GRM8: variants seen among roughly 807,000 people sequenced by gnomAD.
GRM8 encodes metabotropic glutamate receptor 8.
GRM8 carries 47 observed loss-of-function variants against 87.2 expected under a neutral mutation model. That is an observed-to-expected ratio of 0.54 (90% CI 0.43 to 0.69). The LOEUF is 0.69. Among genes scored for constraint, GRM8 ranks in the 30% least tolerant of loss-of-function variants. The probability of loss-of-function intolerance (pLI) is 0.00; values close to 1 mark genes in which losing one functional copy is unlikely to be tolerated. For missense variants in GRM8, 1,019 were observed against 1,139.2 expected (o/e 0.89, Z 1.52); for synonymous variants, 396 against 404.5 (o/e 0.98, Z 0.25).
At chr7:127,213,885 C>G (rs1796365477) in intron 2 of GRM8, among the ~76,000 whole-genome samples, 1 of 152,140 alleles carries the variant, frequency 6.6e-6, no homozygotes, top group South Asian at 2.1e-4. Flanking sequence ...TACTCTGTCA[C>G]CAGCAATTCT....
At chr7:126,910,478 G>A (rs1166437985) in intron 3 of GRM8, among the ~76,000 whole-genome samples, 1 of 152,090 alleles carries the variant, frequency 6.6e-6, no homozygotes, top group African/African-American at 2.4e-5. Flanking sequence ...AGACAGTGCT[G>A]CTTTCAAAGA....
At chr7:126,648,820 T>C (rs1421267128) in intron 7 of GRM8, among the ~76,000 whole-genome samples, 1 of 152,212 alleles carries the variant, frequency 6.6e-6, no homozygotes, top group African/African-American at 2.4e-5. Flanking sequence ...GACCTATTTA[T>C]TAGAGCAATA....
chr7:126,600,399 A>T (rs1328283405), intron 8 of GRM8, among the ~76,000 whole-genome samples: 1 of 152,098 alleles, frequency 6.6e-6, no homozygotes, highest in African/African-American at 2.4e-5. Context: ...TGACTAGGGG[A>T]AATGATCATG....
intron 8 of GRM8, among the ~76,000 whole-genome samples, chr7:126,535,485 A>C (rs1220644447): frequency 6.6e-6 from 1 of 152,216 alleles, no homozygotes; most frequent in Non-Finnish European, 1.5e-5. Context: ...TTATAGCTCC[A>C]TGACTGTTCC....
At chr7:126,507,740 T>C (rs1367230307) in intron 9 of GRM8, among the ~76,000 whole-genome samples, 1 of 152,056 alleles carries the variant, frequency 6.6e-6, no homozygotes, top group East Asian at 1.9e-4. Context: ...GAATGGAACA[T>C]CTGCTCTTAT....
chr7:127,156,437 G>A, intron 2 of GRM8, among the ~76,000 whole-genome samples: 1 of 152,150 alleles, frequency 6.6e-6, no homozygotes, highest in Non-Finnish European at 1.5e-5. Flanking sequence ...GTTGTAAAAA[G>A]AGAGCAGGCT....
intron 6 of GRM8, among the ~76,000 whole-genome samples, chr7:126,871,761 C>T (rs1319731074): frequency 3.9e-5 from 6 of 151,956 alleles, no homozygotes; most frequent in Admixed American, 6.6e-5. Context: ...GTACATTTTG[C>T]GTTATATGGT....
intron 9 of GRM8, among the ~76,000 whole-genome samples, chr7:126,457,135 TGAATA>T (rs1803347486): frequency 6.6e-6 from 1 of 151,420 alleles, no homozygotes; most frequent in Non-Finnish European, 1.5e-5. Flanking sequence ...ATAATTGAAT[TGAATA>T]GATGAGTTTA....
At chr7:126,667,975 T>C (rs1805957028) in intron 7 of GRM8, among the ~76,000 whole-genome samples, 1 of 152,162 alleles carries the variant, frequency 6.6e-6, no homozygotes, top group African/African-American at 2.4e-5. Flanking sequence ...CCACACCCTG[T>C]GTGGACTGAA....
chr7:126,605,076 T>C (rs994313365), intron 8 of GRM8, among the ~76,000 whole-genome samples: 1 of 151,650 alleles, frequency 6.6e-6, no homozygotes, highest in Non-Finnish European at 1.5e-5. Context: ...GGAAAAAGCA[T>C]TAAAAAAAGC....
chr7:126,602,456 C>T lies in GRM8; in HGVS notation c.1494+6906G>A, dbSNP rs996368195. Among the ~76,000 whole-genome samples, 207 of 117,534 alleles carry T rather than the reference C, an allele frequency of 1.8e-3. 5 individuals are homozygous for T. The highest frequency in any genetic ancestry group is 3.3e-3 in the Non-Finnish European group (168 of 51,390). 77.1% of individuals were successfully genotyped at this position (117,534 alleles called of 152,430 possible). A position where few individuals can be genotyped will look rare whatever the true frequency, so the allele number is the denominator to read the frequency against. ...CATATGAACTTTAAAGTAGTTTTTT[C>T]CAATTCTGTGAAGAAAGTCATTGGT... On this transcript the variant is annotated intron_variant, in intron 8 of 10. Transcript: ENST00000339582.
intron 2 of GRM8, among the ~76,000 whole-genome samples, chr7:127,115,901 A>C (rs1217796623): frequency 6.6e-6 from 1 of 152,158 alleles, no homozygotes; most frequent in Admixed American, 6.5e-5. Context: ...AGGATCCCTT[A>C]AGGCCAGGAG....
intron 9 of GRM8, among the ~76,000 whole-genome samples, chr7:126,478,124 T>C (rs1163034045): frequency 6.6e-6 from 1 of 152,156 alleles, no homozygotes; most frequent in Non-Finnish European, 1.5e-5. Flanking sequence ...CCCTTTTCCA[T>C]ATAAGATCAC....
rs140055960 is a variant in GRM8 at position 126,625,347 on chromosome 7, C to T, written c.1358-15849G>A. Among the ~76,000 whole-genome samples, 261 of 151,896 alleles carry T rather than the reference C, an allele frequency of 1.7e-3. 1 individual carries two copies. The South Asian group carries it at 0.022, about 13-fold the overall frequency. Reference sequence around the variant, plus strand: ...TTTACCTTGGCTAAAATACACAATTCGTTTCCATAAAAACCAAATATAGAA... The same window carrying T: ...TTTACCTTGGCTAAAATACACAATTTGTTTCCATAAAAACCAAATATAGAA... On this transcript the variant is annotated intron_variant, in intron 7 of 10. Transcript: ENST00000339582.
chr7:126,907,916 G>T (rs945816822), intron 3 of GRM8, among the ~76,000 whole-genome samples: 1 of 152,198 alleles, frequency 6.6e-6, no homozygotes, highest in African/African-American at 2.4e-5. Context: ...AATCAATGGG[G>T]CTTTGTATTG....
intron 7 of GRM8, 110 bp from the exon 8 acceptor site, chr7:126,609,608 G>T: frequency 1.3e-6 from 1 of 764,016 alleles, no homozygotes. Context: ...TGAAGTAAGT[G>T]ATGCAAAGAT....
At chr7:127,040,428 G>A (rs1025897859) in intron 3 of GRM8, among the ~76,000 whole-genome samples, 1 of 152,138 alleles carries the variant, frequency 6.6e-6, no homozygotes, top group African/African-American at 2.4e-5. Flanking sequence ...TCCACTGAAT[G>A]AACCACGTTT....
chr7:126,549,680 A>C (rs1051901998), intron 8 of GRM8, among the ~76,000 whole-genome samples: 2 of 152,208 alleles, frequency 1.3e-5, no homozygotes, highest in African/African-American at 4.8e-5. Flanking sequence ...GGTTTATTTT[A>C]CATTTGAGGA....
At chr7:127,222,074 G>T (rs1276737406) in intron 2 of GRM8, among the ~76,000 whole-genome samples, 1 of 152,204 alleles carries the variant, frequency 6.6e-6, no homozygotes, top group East Asian at 1.9e-4. Context: ...TTCTTAAATG[G>T]TGAAATCTCT....
Sources: gnomAD v4.1 joint callset for allele counts (sites outside exome capture counted in the v4.1 genomes callset) on GRCh38, gnomAD v4.1.1 for gene constraint, MANE v1.5 for transcripts, NCBI Gene and HGNC (gene_info 2026-07-23, HGNC 2026-07-21) for gene names.